Variants in THAP4 observed in about 807,000 individuals in gnomAD.
THAP4 encodes the protein THAP domain containing 4.
THAP4 carries 18 observed loss-of-function variants against 48.1 expected under a neutral mutation model. That is an observed-to-expected ratio of 0.37 (90% CI 0.26 to 0.56). THAP4 has a LOEUF of 0.56. THAP4 is among the 20% of genes least tolerant of loss of function. The probability of loss-of-function intolerance (pLI) is 0.78; values close to 1 mark genes in which losing one functional copy is unlikely to be tolerated. For missense variants in THAP4, 656 were observed against 774.9 expected, an observed-to-expected ratio of 0.85 and a Z score of 1.82; for synonymous variants, 345 against 324.9, an observed-to-expected ratio of 1.06 and a Z score of -0.66.
At chr2:241,620,796 G>A (rs2067421001) in intron 2 of THAP4, among the ~76,000 whole-genome samples, 2 of 152,038 alleles carry the variant, frequency 1.3e-5, no homozygotes, top group South Asian at 4.1e-4. Context: ...ATGTTACAAT[G>A]GCTACAATGT....
chr2:241,603,109 A>G (rs1248320310), intron 3 of THAP4, 30 bp from the exon 4 acceptor site: 2 of 1,578,396 alleles, frequency 1.3e-6, no homozygotes, highest in African/African-American at 1.3e-5. Flanking sequence ...TGAGAAGCCC[A>G]GGCACTGGCC....
At chr2:241,592,864 G>A (rs2067003197) in intron 5 of THAP4, among the ~76,000 whole-genome samples, 2 of 152,198 alleles carry the variant, frequency 1.3e-5, no homozygotes, top group Admixed American at 1.3e-4. Flanking sequence ...CAAGGGCCAC[G>A]GGACGTCTGT....
At chr2:241,586,735 A>G (rs2066900713) in intron 5 of THAP4, among the ~76,000 whole-genome samples, 1 of 152,242 alleles carries the variant, frequency 6.6e-6, no homozygotes, top group Admixed American at 6.5e-5. Flanking sequence ...AATGAAATAG[A>G]CAAATTAGAC....
chr2:241,619,118 C>G (rs927161556), intron 2 of THAP4, among the ~76,000 whole-genome samples: 16 of 152,218 alleles, frequency 1.1e-4, no homozygotes, highest in Non-Finnish European at 2.1e-4. Flanking sequence ...CCCCTCCCAG[C>G]CCTGCAGGCT....
intron 2 of THAP4, among the ~76,000 whole-genome samples, chr2:241,621,724 T>C (rs1559231584): frequency 1.3e-5 from 2 of 152,144 alleles, no homozygotes; most frequent in African/African-American, 4.8e-5. Flanking sequence ...GAATTAACCA[T>C]AGTTCAGAGT....
At chr2:241,586,096 A>G (rs2066893470) in intron 5 of THAP4, among the ~76,000 whole-genome samples, 1 of 151,172 alleles carries the variant, frequency 6.6e-6, no homozygotes, top group Non-Finnish European at 1.5e-5. Context: ...TCTACTAAAA[A>G]TACAAAAAAA....
At chr2:241,607,139 T>C (rs1264940676) in intron 2 of THAP4, among the ~76,000 whole-genome samples, 1 of 151,418 alleles carries the variant, frequency 6.6e-6, no homozygotes, top group Non-Finnish European at 1.5e-5. Context: ...CTTTAGAAGG[T>C]CTCCTGTGGG....
At chr2:241,623,441 A>C (rs954510356) in intron 2 of THAP4, among the ~76,000 whole-genome samples, 4 of 151,966 alleles carry the variant, frequency 2.6e-5, no homozygotes, top group African/African-American at 9.7e-5. Flanking sequence ...TTAGCAGGGC[A>C]TGGTGGCACG....
chr2:241,589,526 C>T (rs2066931896), intron 5 of THAP4, among the ~76,000 whole-genome samples: 1 of 152,276 alleles, frequency 6.6e-6, no homozygotes, highest in South Asian at 2.1e-4. Flanking sequence ...TGCAAATTAA[C>T]ATCACAATAA....
intron 2 of THAP4, among the ~76,000 whole-genome samples, chr2:241,606,786 G>A (rs2067189170): frequency 6.6e-6 from 1 of 152,164 alleles, no homozygotes; most frequent in African/African-American, 2.4e-5. Flanking sequence ...CAGGTGGTGG[G>A]AAGGGATACT....
At position 241,622,742 on chromosome 2, in the gene THAP4, G is replaced by A. The variant is rs566477965; in HGVS notation, c.1240+10175C>T. 3.3e-5 allele frequency among the ~76,000 whole-genome samples: 5 copies of A among 152,148 alleles called. No individual in the cohort carries two copies. The South Asian group carries it at 8.3e-4, about 25-fold the overall frequency. On this transcript the variant is annotated intron_variant, in intron 2 of 5. Transcript: ENST00000407315. ...AGCCTCCTGTGAAGCTGGGACTACA[G>A]GTGTGCATCACCATGCCTAGCTAAT... is the stretch of plus-strand genomic sequence containing the variant.
At chr2:241,604,253 A>C (rs1039570978) in intron 3 of THAP4, among the ~76,000 whole-genome samples, 2 of 150,704 alleles carry the variant, frequency 1.3e-5, no homozygotes, top group Non-Finnish European at 3.0e-5. Context: ...TTATTTATTT[A>C]TTTATTTATT....
intron 2 of THAP4, among the ~76,000 whole-genome samples, chr2:241,607,074 T>A (rs985453946): frequency 6.6e-6 from 1 of 152,060 alleles, no homozygotes; most frequent in South Asian, 2.1e-4. Flanking sequence ...AAGACCCCGC[T>A]TCCCTGAGGA....
chr2:241,637,179 CG>C (rs1368625687), upstream of THAP4: 1 of 986,992 alleles, frequency 1.0e-6, no homozygotes, highest in Non-Finnish European at 1.2e-6. Context: ...GCGCCCGCAG[CG>C]GGCCCGCCCC....
intron 1 of THAP4, among the ~76,000 whole-genome samples, chr2:241,634,495 C>T (rs150361515): frequency 5.6e-4 from 85 of 152,292 alleles, no homozygotes; most frequent in African/African-American, 1.9e-3. Flanking sequence ...AAAACCAGGG[C>T]CAGCATCCAC....
chr2:241,592,309 GAC>G (rs1222658086), intron 5 of THAP4: 1 of 152,468 alleles, frequency 6.6e-6, no homozygotes, highest in African/African-American at 2.4e-5. Flanking sequence ...ACAAAGCACA[GAC>G]ACACACAGCA....
intron 3 of THAP4, among the ~76,000 whole-genome samples, chr2:241,603,307 C>A (rs1212059456): frequency 6.6e-6 from 1 of 151,378 alleles, no homozygotes; most frequent in East Asian, 1.9e-4. Context: ...CACCTGCCCG[C>A]CCCCTCCACC....
chr2:241,622,141 G>A (rs1394140532), intron 2 of THAP4, among the ~76,000 whole-genome samples: 4 of 152,356 alleles, frequency 2.6e-5, no homozygotes, highest in Admixed American at 6.5e-5. Flanking sequence ...AGGCCAAGGC[G>A]GGTGGATCGC....
intron 2 of THAP4, among the ~76,000 whole-genome samples, chr2:241,619,233 G>A (rs1473737305): frequency 6.6e-6 from 1 of 152,204 alleles, no homozygotes; most frequent in African/African-American, 2.4e-5. Flanking sequence ...AAGGACACTC[G>A]AGGAATTTTA....
Sources: allele counts gnomAD v4.1 joint callset (sites outside exome capture counted in the v4.1 genomes callset), GRCh38; gene constraint gnomAD v4.1.1; transcripts MANE v1.5; gene names NCBI Gene and HGNC (gene_info 2026-07-23, HGNC 2026-07-21).